The following AFDN variants were observed in gnomAD, a reference collection of about 807,000 sequenced individuals.
AFDN encodes afadin.
Under a neutral mutation model 216.6 loss-of-function variants are expected in AFDN, and 68 were observed. That is an observed-to-expected ratio of 0.31 (90% CI 0.26 to 0.38). The LOEUF is 0.38. Among genes scored for constraint, AFDN ranks in the 10% least tolerant of loss-of-function variants. AFDN has a pLI of 1.00. For missense variants in AFDN, 2,136 were observed against 2,342.0 expected (o/e 0.91, Z 1.82); for synonymous variants, 868 against 853.7 (o/e 1.02, Z -0.29).
At chr6:167,864,129 A>G (rs1783896163) in intron 1 of AFDN, among the ~76,000 whole-genome samples, 1 of 152,172 alleles carries the variant, frequency 6.6e-6, no homozygotes, top group Non-Finnish European at 1.5e-5. Context: ...TCTGGGTCTT[A>G]ACTCTGGATC....
chr6:167,962,698 A>AG lies in AFDN; in HGVS notation c.4968+132dup. The AG allele has an allele frequency of 6.5e-7, 1 of 1,544,798 alleles. No homozygotes were observed. Among genetic ancestry groups the AG allele is most frequent in the Non-Finnish European group, 8.7e-7 (1 of 1,145,662 alleles). On this transcript the variant is annotated intron_variant, in intron 31 of 33. Coordinates refer to ENST00000683244, the MANE Select transcript of AFDN (RefSeq NM_001386888.1). The surrounding 1 kb of genome is among the most constrained non-coding windows in gnomAD (Gnocchi z 5.2). ...AGGCAGAGCAGGGCCTGGCTCCCCC[A>AG]GCTTTGTGATTGGACCTGCAACTTT...
chr6:167,878,599 C>CTCTCTG (rs1223701022), intron 5 of AFDN, among the ~76,000 whole-genome samples: 18 of 133,362 alleles, frequency 1.3e-4, no homozygotes, highest in African/African-American at 4.1e-4. Flanking sequence ...CTCTCTCTCT[C>CTCTCTG]TCTCTCTGTC....
intron 13 of AFDN, among the ~76,000 whole-genome samples, chr6:167,910,549 T>C (rs1790252366): frequency 6.6e-6 from 1 of 152,086 alleles, no homozygotes; most frequent in Non-Finnish European, 1.5e-5. Context: ...TGTGAGTGAG[T>C]AGAACATCTC....
At chr6:167,931,155 A>C (rs748135877) in intron 23 of AFDN, among the ~76,000 whole-genome samples, 1 of 152,278 alleles carries the variant, frequency 6.6e-6, no homozygotes, top group Non-Finnish European at 1.5e-5. Context: ...ATATTTGTTG[A>C]ATGGCAGTTT....
At chr6:167,942,924 A>G (rs1402272274) in intron 23 of AFDN, among the ~76,000 whole-genome samples, 1 of 152,204 alleles carries the variant, frequency 6.6e-6, no homozygotes, top group Non-Finnish European at 1.5e-5. Context: ...CAGGATTCCA[A>G]GTCTCTATTT....
intron 29 of AFDN, among the ~76,000 whole-genome samples, chr6:167,950,271 C>T (rs757758874): frequency 3.3e-5 from 5 of 152,124 alleles, no homozygotes; most frequent in Non-Finnish European, 5.9e-5. Flanking sequence ...AGTAACAGGG[C>T]AGGAAAAAGA....
intron 1 of AFDN, among the ~76,000 whole-genome samples, chr6:167,844,493 TTAAC>T (rs1781419083): frequency 6.6e-6 from 1 of 152,238 alleles, no homozygotes; most frequent in African/African-American, 2.4e-5. Context: ...AATCATTTTC[TTAAC>T]TATTAATGAA....
At chr6:167,925,124 T>G (rs2128515822) in intron 23 of AFDN, 33 bp downstream of exon 23, 3 of 1,464,814 alleles carry the variant, frequency 2.0e-6, no homozygotes, top group Non-Finnish European at 2.9e-6. Flanking sequence ...AGTTGTTCTC[T>G]CCAGTCTTTC....
intron 12 of AFDN, 145 bp downstream of exon 12, chr6:167,902,531 C>A: frequency 1.6e-6 from 1 of 612,544 alleles, no homozygotes; most frequent in Non-Finnish European, 2.9e-6. Flanking sequence ...ATAAATAGTA[C>A]AGAGCCCTAT....
intron 16 of AFDN, 193 bp from the exon 17 acceptor site, chr6:167,913,975 T>C: frequency 1.8e-6 from 1 of 557,256 alleles, no homozygotes; most frequent in Non-Finnish European, 3.1e-6. Flanking sequence ...AAGAAATAGT[T>C]GCAGTGGTTA....
At chr6:167,861,953 G>A (rs1258026974) in intron 1 of AFDN, among the ~76,000 whole-genome samples, 2 of 152,172 alleles carry the variant, frequency 1.3e-5, no homozygotes, top group Non-Finnish European at 2.9e-5. Context: ...GTATAAGGGT[G>A]AGCCTTTGGA....
At chr6:167,904,973 G>C (rs780555841) in intron 12 of AFDN, among the ~76,000 whole-genome samples, 16 of 152,154 alleles carry the variant, frequency 1.1e-4, no homozygotes, top group African/African-American at 3.6e-4. Flanking sequence ...TCCTCTCAGC[G>C]TGTCTCTGTT....
chr6:167,966,129 C>T, intron 32 of AFDN, 84 bp downstream of exon 32: 1 of 1,535,614 alleles, frequency 6.5e-7, no homozygotes, highest in Non-Finnish European at 8.7e-7. Flanking sequence ...CCCCTGCCAG[C>T]CACGCCCGGC....
chr6:167,866,440 A>T (rs2128234684), intron 2 of AFDN, among the ~76,000 whole-genome samples: 2 of 152,316 alleles, frequency 1.3e-5, no homozygotes, highest in East Asian at 3.9e-4. Context: ...TAATAATGGC[A>T]CCGCTAGGCC....
chr6:167,911,132 C>T lies in AFDN; in HGVS notation c.1801C>T (p.Leu601=). 2 of 1,613,962 alleles carry T rather than the reference C, an allele frequency of 1.2e-6. No individual in the cohort carries two copies. Among genetic ancestry groups the T allele is most frequent in the Non-Finnish European group, 1.7e-6 (2 of 1,179,950 alleles). The change falls in exon 14 of 34, where the codon CTA becomes TTA. Residue 601 remains leucine, a synonymous_variant. Transcript: ENST00000683244. ...GGATGCTTCTGGGCCTGAGCTGATA[C>T]TACCTGCAAGCATTGAATTCAGGGA... ...TQDASGPELI[L]PASIEFRESS...
At chr6:167,965,525 C>A (rs1365909759) in intron 31 of AFDN, among the ~76,000 whole-genome samples, 2 of 152,208 alleles carry the variant, frequency 1.3e-5, no homozygotes, top group Non-Finnish European at 2.9e-5. Flanking sequence ...GCTGAGAATC[C>A]ATTCCATGCT....
At chr6:167,938,855 A>C (rs1794332144) in intron 23 of AFDN, among the ~76,000 whole-genome samples, 1 of 152,174 alleles carries the variant, frequency 6.6e-6, no homozygotes, top group South Asian at 2.1e-4. Flanking sequence ...TGGAACAAAG[A>C]CATCTTCCAA....
At chr6:167,841,982 A>G (rs1223933078) in intron 1 of AFDN, among the ~76,000 whole-genome samples, 4 of 151,638 alleles carry the variant, frequency 2.6e-5, no homozygotes, top group Non-Finnish European at 5.9e-5. Context: ...AAAGGCACTC[A>G]GGTTTTGTTT....
At chr6:167,937,201 C>T (rs753414379) in intron 23 of AFDN, among the ~76,000 whole-genome samples, 8 of 152,052 alleles carry the variant, frequency 5.3e-5, no homozygotes, top group Non-Finnish European at 5.9e-5. Flanking sequence ...GCCCGAATGC[C>T]GACCAAAATG....
Sources: gnomAD v4.1 joint callset for allele counts (sites outside exome capture counted in the v4.1 genomes callset) on GRCh38, gnomAD v4.1.1 for gene constraint, Gnocchi (gnomAD v3.1) non-coding constraint, MANE v1.5 for transcripts, NCBI Gene and HGNC (gene_info 2026-07-23, HGNC 2026-07-21) for gene names.